The following EBF2 variants were observed in gnomAD, a reference collection of about 807,000 sequenced individuals.
EBF2 encodes EBF transcription factor 2.
Under a neutral mutation model 72.8 loss-of-function variants are expected in EBF2, and 21 were observed. The observed-to-expected ratio is 0.29, with a 90% CI of 0.20 to 0.42. The LOEUF is 0.42. Ranked by LOEUF, EBF2 falls within the 10% of genes least tolerant of loss-of-function variation. The pLI is 1.00. For missense variants in EBF2, 637 were observed against 731.2 expected, an observed-to-expected ratio of 0.87 and a Z score of 1.49; for synonymous variants, 299 against 274.2, an observed-to-expected ratio of 1.09 and a Z score of -0.89.
At chr8:26,024,973 A>G (rs1204593768) in intron 6 of EBF2, among the ~76,000 whole-genome samples, 3 of 152,198 alleles carry the variant, frequency 2.0e-5, no homozygotes, top group African/African-American at 7.2e-5. Flanking sequence ...TAAATAAATA[A>G]TGCCCATACC....
chr8:26,020,093 T>C (rs1028257156), intron 6 of EBF2, among the ~76,000 whole-genome samples: 1 of 152,198 alleles, frequency 6.6e-6, no homozygotes, highest in Non-Finnish European at 1.5e-5. Context: ...AAACCACCCT[T>C]ACTCAGGCTT....
chr8:25,984,804 T>A (rs1369567038), intron 6 of EBF2, among the ~76,000 whole-genome samples: 2 of 152,138 alleles, frequency 1.3e-5, no homozygotes, highest in Admixed American at 1.3e-4. Context: ...TTGCTTCCAG[T>A]GGAGGCCTTG....
intron 6 of EBF2, among the ~76,000 whole-genome samples, chr8:25,996,648 A>T (rs1804638547): frequency 6.6e-6 from 1 of 152,144 alleles, no homozygotes; most frequent in South Asian, 2.1e-4. Context: ...AAGAAACTTA[A>T]AAGTGAAATA....
At chr8:25,895,527 T>C (rs754978115) in intron 7 of EBF2, among the ~76,000 whole-genome samples, 2 of 152,148 alleles carry the variant, frequency 1.3e-5, no homozygotes, top group Non-Finnish European at 2.9e-5. Context: ...CCATGAAAAA[T>C]ACAAGAAAGT....
chr8:25,967,541 G>A (rs775156382), intron 6 of EBF2, among the ~76,000 whole-genome samples: 27 of 152,184 alleles, frequency 1.8e-4, no homozygotes, highest in Non-Finnish European at 3.4e-4. Context: ...AAAAGCTCAT[G>A]TCATTTATTG....
intron 6 of EBF2, among the ~76,000 whole-genome samples, chr8:26,025,195 G>A (rs1217909730): frequency 1.3e-5 from 2 of 152,078 alleles, no homozygotes; most frequent in Non-Finnish European, 2.9e-5. Context: ...CCGGACAGGG[G>A]GATTCACAGA....
intron 5 of EBF2, among the ~76,000 whole-genome samples, chr8:26,034,325 C>G (rs939464591): frequency 1.3e-5 from 2 of 152,164 alleles, no homozygotes; most frequent in Admixed American, 6.5e-5. Context: ...GAAATGGTAT[C>G]CCACTGTTTG....
chr8:26,039,399 C>T (rs903370628), intron 5 of EBF2, among the ~76,000 whole-genome samples: 2 of 152,154 alleles, frequency 1.3e-5, no homozygotes, highest in Admixed American at 6.5e-5. Flanking sequence ...GATCTCCCAG[C>T]GGGTCCTCTC....
At chr8:26,039,690 G>A (rs924749226) in intron 5 of EBF2, among the ~76,000 whole-genome samples, 2 of 152,340 alleles carry the variant, frequency 1.3e-5, no homozygotes, top group Non-Finnish European at 2.9e-5. Context: ...AGGCCCGGCG[G>A]GAACTCCAGC....
chr8:25,899,185 C>T (rs1364672364), intron 7 of EBF2, among the ~76,000 whole-genome samples: 2 of 151,814 alleles, frequency 1.3e-5, no homozygotes, highest in East Asian at 3.9e-4. Flanking sequence ...TCCAGAGAGC[C>T]TTCCCCAAGC....
At chr8:26,018,190 C>T (rs1469154891) in intron 6 of EBF2, among the ~76,000 whole-genome samples, 1 of 150,918 alleles carries the variant, frequency 6.6e-6, no homozygotes, top group Non-Finnish European at 1.5e-5. Context: ...GGCTAAGTTA[C>T]TGACAAGCAC....
intron 6 of EBF2, among the ~76,000 whole-genome samples, chr8:25,925,477 G>A (rs1460283515): frequency 2.6e-5 from 4 of 152,190 alleles, no homozygotes; most frequent in South Asian, 2.1e-4. Flanking sequence ...AGGGGGCTCC[G>A]AGGAAATTAT....
intron 7 of EBF2, among the ~76,000 whole-genome samples, chr8:25,905,825 GTATGT>G (rs1283402261): frequency 6.6e-6 from 1 of 152,154 alleles, no homozygotes; most frequent in African/African-American, 2.4e-5. Flanking sequence ...ATGGTGAATT[GTATGT>G]TATATGAATT....
Position 25,908,632 on chromosome 8 carries a change from T to C in EBF2, c.552-77A>G, listed in dbSNP as rs568725089. On this transcript the variant is annotated intron_variant, in intron 6 of 15. Transcript: ENST00000520164. Reference sequence around the variant, plus strand: ...AGAATATAGCTGCATTCCATTAGATTTGATTTGACAGCGATTCTATTTCAG... The same window carrying C: ...AGAATATAGCTGCATTCCATTAGATCTGATTTGACAGCGATTCTATTTCAG... 1.6e-3 allele frequency: 1,515 copies of C among 970,912 alleles called. 4 individuals carry two copies. Among genetic ancestry groups the C allele is most frequent in the Non-Finnish European group, 1.6e-3 (1,014 of 623,568 alleles). 60.1% of individuals were successfully genotyped at this position (970,912 alleles called of 1,614,324 possible).
chr8:26,026,332 C>A (rs1056160742), intron 6 of EBF2, among the ~76,000 whole-genome samples: 1 of 152,146 alleles, frequency 6.6e-6, no homozygotes, highest in Non-Finnish European at 1.5e-5. Context: ...ATTAGCATAC[C>A]TGACCCCCAA....
intron 3 of EBF2, 69 bp from the exon 4 acceptor site, chr8:26,040,740 G>T: frequency 6.5e-7 from 1 of 1,531,860 alleles, no homozygotes; most frequent in Non-Finnish European, 8.8e-7. Flanking sequence ...ACCCTTCTCT[G>T]CCATGGGTCT....
intron 6 of EBF2, among the ~76,000 whole-genome samples, chr8:26,011,941 C>T (rs1289559380): frequency 6.6e-6 from 1 of 152,054 alleles, no homozygotes; most frequent in Admixed American, 6.6e-5. Context: ...GTGGGTTAAC[C>T]TTTTCCCACC....
intron 6 of EBF2, among the ~76,000 whole-genome samples, chr8:25,945,630 C>T (rs572266061): frequency 4.0e-5 from 6 of 151,160 alleles, no homozygotes; most frequent in South Asian, 2.1e-4. Flanking sequence ...TGTTTGGTTT[C>T]GGGGGTACAA....
intron 6 of EBF2, among the ~76,000 whole-genome samples, chr8:26,018,931 TA>T (rs1176680985): frequency 0.084 from 9,021 of 107,584 alleles, 487 homozygotes; most frequent in East Asian, 0.22. Flanking sequence ...TCCATGGCAA[TA>T]AAAAAAAAAA....
Sources: gnomAD v4.1 joint callset for allele counts (sites outside exome capture counted in the v4.1 genomes callset) on GRCh38, gnomAD v4.1.1 for gene constraint, MANE v1.5 for transcripts, NCBI Gene and HGNC (gene_info 2026-07-23, HGNC 2026-07-21) for gene names.